The following TRANK1 variants were observed in gnomAD, a reference collection of about 807,000 sequenced individuals.
TRANK1 encodes the protein TPR and ankyrin repeat-containing protein 1.
In TRANK1, 198 loss-of-function variants were observed where a neutral mutation model predicts 266.0. That is an observed-to-expected ratio of 0.74 (90% CI 0.66 to 0.84). The LOEUF (loss-of-function observed/expected upper bound fraction) is 0.84, where lower values mean the gene tolerates loss of function less well. Among genes scored for constraint, TRANK1 ranks in the 40% least tolerant of loss-of-function variants. TRANK1 has a pLI of 0.00. For synonymous variants in TRANK1, 1,396 were observed against 1,384.1 expected (o/e 1.01, Z -0.19); for missense variants, 3,326 against 3,634.6 (o/e 0.92, Z 2.18).
At chr3:36,888,523 T>A (rs1186353773) in intron 8 of TRANK1, among the ~76,000 whole-genome samples, 1 of 152,244 alleles carries the variant, frequency 6.6e-6, no homozygotes, top group East Asian at 1.9e-4. Context: ...CATAGACCCC[T>A]TCTCCTTTGT....
intron 1 of TRANK1, among the ~76,000 whole-genome samples, chr3:36,911,776 T>C (rs190944085): frequency 1.5e-4 from 23 of 152,376 alleles, no homozygotes; most frequent in Admixed American, 1.4e-3. Context: ...GATTTATTTA[T>C]AAGATGAAAT....
chr3:36,868,144 T>C (rs1183574567), intron 9 of TRANK1, among the ~76,000 whole-genome samples: 8 of 152,228 alleles, frequency 5.3e-5, no homozygotes, highest in Admixed American at 2.0e-4. Flanking sequence ...TAAATAATTA[T>C]CTTACTTGTT....
intron 1 of TRANK1, among the ~76,000 whole-genome samples, chr3:36,927,542 A>C (rs1183404577): frequency 6.6e-6 from 1 of 152,176 alleles, no homozygotes; most frequent in African/African-American, 2.4e-5. Context: ...GAACCATCCT[A>C]TAAAATCCCC....
Position 36,828,331 on chromosome 3 carries a change from C to G in TRANK1, c.8854G>C (p.Gly2952Arg). ...GAACGCCTTCTAGGCCGAAGCTCACCAAAGTCTTCAACTTCATTTTCATAA... is the reference window on the plus strand; with the variant it reads ...GAACGCCTTCTAGGCCGAAGCTCACGAAAGTCTTCAACTTCATTTTCATAA... Reference protein sequence around the residue: ...DDYENEVEDFGELRPRRRSRK... With the variant: ...DDYENEVEDFRELRPRRRSRK... The change falls in exon 24 of 24, where the codon GGT becomes CGT. Residue 2952 changes from glycine (G) to arginine (R), a missense_variant. Transcript: ENST00000645898. The G allele has an allele frequency of 6.5e-7, 1 of 1,546,588 alleles. No homozygotes were observed. Among genetic ancestry groups the G allele is most frequent in the Admixed American group, 1.7e-5 (1 of 57,604 alleles).
intron 6 of TRANK1, 33 bp downstream of exon 6, chr3:36,892,868 T>C: frequency 1.5e-6 from 1 of 673,616 alleles, no homozygotes; most frequent in East Asian, 4.9e-5. Flanking sequence ...TATATATATA[T>C]ATAGATATAT....
At chr3:36,883,485 GA>G (rs1170995882) in intron 8 of TRANK1, among the ~76,000 whole-genome samples, 4 of 134,474 alleles carry the variant, frequency 3.0e-5, no homozygotes, top group African/African-American at 1.1e-4. Flanking sequence ...AGAGAAGAAA[GA>G]AAAAAGAAAA....
Position 36,856,886 on chromosome 3 carries a change from A to T in TRANK1, c.2836T>A (p.Leu946Ile). The part of the protein sequence containing the change: ...TEIIRIWDIV[L>I]DHCKLADSIK... ...GAATCAGCCAGTTTGCAGTGATCTAAGACGATGTCCCAAATCCGGATGATT... is the reference window on the plus strand; with the variant it reads ...GAATCAGCCAGTTTGCAGTGATCTATGACGATGTCCCAAATCCGGATGATT... Residue 946 changes from leucine to isoleucine, a missense_variant, in exon 13 of 24, where the codon TTA becomes ATA. Leu to Ile is a conservative substitution (Grantham distance 5). Transcript: ENST00000645898. The T allele has an allele frequency of 3.7e-6, 6 of 1,614,032 alleles. No individual in the cohort carries two copies. Among genetic ancestry groups the T allele is most frequent in the Non-Finnish European group, 5.1e-6 (6 of 1,179,894 alleles).
intron 15 of TRANK1, chr3:36,850,480 C>G: frequency 2.0e-6 from 2 of 985,414 alleles, no homozygotes; most frequent in Non-Finnish European, 2.4e-6. Flanking sequence ...TGACCTTCTG[C>G]TTTATCTACA....
chr3:36,887,259 T>C (rs2079621090), intron 8 of TRANK1, among the ~76,000 whole-genome samples: 2 of 152,224 alleles, frequency 1.3e-5, no homozygotes, highest in Admixed American at 6.5e-5. Flanking sequence ...ACCCAGTTCA[T>C]ATCAGTTCAC....
At position 36,831,869 on chromosome 3, in the gene TRANK1, T is replaced by A. The variant is rs2078699802; in HGVS notation, c.7714A>T (p.Asn2572Tyr). Residue 2572 changes from asparagine to tyrosine, a missense_variant, in exon 22 of 24, where the codon AAT becomes TAT. Transcript: ENST00000645898. This position sits in a 1 kb window ranked among gnomAD's most constrained non-coding sequence, Gnocchi z 5.0. The part of the protein sequence containing the change: ...TLVLCLVMLV[N>Y]AEEILQPYCK... ...TATGGCTGCAGGATCTCCTCAGCAT[T>A]CACTAGCATCACCAAGCACAGCACC... is the stretch of plus-strand genomic sequence containing the variant. 1 of 1,613,876 alleles carries A rather than the reference T, an allele frequency of 6.2e-7. No homozygotes were observed. Among genetic ancestry groups the A allele is most frequent in the Admixed American group, 1.7e-5 (1 of 60,012 alleles).
At chr3:36,901,943 T>C (rs1429556726) in intron 3 of TRANK1, among the ~76,000 whole-genome samples, 2 of 152,126 alleles carry the variant, frequency 1.3e-5, no homozygotes, top group Non-Finnish European at 2.9e-5. Flanking sequence ...ATTGGGAATA[T>C]CCTAAAATAC....
intron 1 of TRANK1, among the ~76,000 whole-genome samples, chr3:36,910,080 T>C (rs1300908663): frequency 6.6e-6 from 1 of 152,216 alleles, no homozygotes; most frequent in Non-Finnish European, 1.5e-5. Flanking sequence ...TAAATAGCTT[T>C]CCACTGCAAG....
intron 1 of TRANK1, among the ~76,000 whole-genome samples, chr3:36,943,970 G>C (rs879798480): frequency 1.6e-4 from 25 of 152,142 alleles, no homozygotes; most frequent in Non-Finnish European, 1.8e-4. Flanking sequence ...GAAACACCCC[G>C]ATCTGGGAGA....
chr3:36,862,640 A>G lies in TRANK1; in HGVS notation c.1241-1480T>C, dbSNP rs2079157209. ...TCCTTCTGATCACATTCAGCTACAG[A>G]GGTATACATCATGATCCAAAGTGAA... On this transcript the variant is annotated intron_variant, in intron 10 of 23. Coordinates refer to ENST00000645898, the MANE Select transcript of TRANK1 (RefSeq NM_001329998.2). 2.0e-5 allele frequency among the ~76,000 whole-genome samples: 3 copies of G among 152,236 alleles called. No homozygotes were observed. The South Asian group carries it at 6.2e-4, about 32-fold the overall frequency.
chr3:36,919,215 G>C (rs1363480437), intron 1 of TRANK1, among the ~76,000 whole-genome samples: 3 of 152,188 alleles, frequency 2.0e-5, no homozygotes, highest in Admixed American at 2.0e-4. Context: ...GTTCAGCTAT[G>C]ATTTTTATAC....
chr3:36,911,904 C>T (rs1313661637), intron 1 of TRANK1, among the ~76,000 whole-genome samples: 4 of 152,138 alleles, frequency 2.6e-5, no homozygotes, highest in African/African-American at 4.8e-5. Flanking sequence ...TAAGAAGCCT[C>T]GGCCAGGCAC....
upstream of TRANK1, among the ~76,000 whole-genome samples, chr3:36,945,517 A>G (rs1177683912): frequency 6.6e-6 from 1 of 152,184 alleles, no homozygotes; most frequent in African/African-American, 2.4e-5. Flanking sequence ...TGAAGGGGGC[A>G]GCGAGACCGC....
intron 3 of TRANK1, among the ~76,000 whole-genome samples, 198 bp downstream of exon 3, chr3:36,902,951 G>A (rs960813202): frequency 6.6e-6 from 1 of 152,226 alleles, no homozygotes; most frequent in Admixed American, 6.5e-5. Flanking sequence ...TCTGTCTGAA[G>A]ATGCAAAGAG....
chr3:36,874,828 G>A (rs189007635), intron 8 of TRANK1, among the ~76,000 whole-genome samples: 27 of 152,030 alleles, frequency 1.8e-4, no homozygotes, highest in Admixed American at 1.2e-3. Flanking sequence ...AAGCATCAAC[G>A]TATGTCTGTG....
Sources: allele counts gnomAD v4.1 joint callset (sites outside exome capture counted in the v4.1 genomes callset), GRCh38; gene constraint gnomAD v4.1.1; non-coding constraint Gnocchi (gnomAD v3.1); transcripts MANE v1.5; gene names NCBI Gene and HGNC (gene_info 2026-07-23, HGNC 2026-07-21).